PRAG1: variants seen among roughly 807,000 people sequenced by gnomAD.
PRAG1 encodes the protein PEAK1 related, kinase-activating pseudokinase 1.
Under a neutral mutation model 95.6 loss-of-function variants are expected in PRAG1, and 110 were observed. That is an observed-to-expected ratio of 1.15 (90% CI 0.99 to 1.35). The LOEUF (loss-of-function observed/expected upper bound fraction) is 1.35, where lower values mean the gene tolerates loss of function less well. Among genes scored for constraint, PRAG1 ranks in the 40% most tolerant of loss-of-function variants. The pLI, the probability that PRAG1 is intolerant of heterozygous loss-of-function variation, is 0.00. For missense variants in PRAG1, 2,554 were observed against 1,864.7 expected (o/e 1.37, Z -6.81); for synonymous variants, 1,052 against 819.4 (o/e 1.28, Z -4.85).
At chr8:8,355,194 A>G (rs937256752) in intron 3 of PRAG1, among the ~76,000 whole-genome samples, 6 of 152,190 alleles carry the variant, frequency 3.9e-5, no homozygotes, top group African/African-American at 1.4e-4. Context: ...AATTAGGAAT[A>G]AATTTAAACA....
At chr8:8,363,079 A>ATGTG (rs201002747) in intron 3 of PRAG1, among the ~76,000 whole-genome samples, 3 of 144,802 alleles carry the variant, frequency 2.1e-5, no homozygotes, top group African/African-American at 7.5e-5. Flanking sequence ...ATAGATATAT[A>ATGTG]TATGTGTGCG....
chr8:8,320,292 A>G (rs1798432560), intron 5 of PRAG1, among the ~76,000 whole-genome samples: 1 of 152,182 alleles, frequency 6.6e-6, no homozygotes. Flanking sequence ...CCTCAGAGGA[A>G]CCCCAGGGCA....
chr8:8,374,676 G>A (rs1042852901), intron 3 of PRAG1: 14 of 985,216 alleles, frequency 1.4e-5, no homozygotes, highest in South Asian at 4.7e-5. Context: ...TCATTCATTC[G>A]GGGACTACAC....
intron 3 of PRAG1, among the ~76,000 whole-genome samples, chr8:8,340,878 A>C (rs922529306): frequency 1.3e-5 from 2 of 152,340 alleles, no homozygotes; most frequent in African/African-American, 4.8e-5. Context: ...CATTATGACT[A>C]ATCTTCATCT....
In PRAG1 at chr8:8,376,576, C is replaced by T. The variant is rs1420084624; in HGVS notation, c.1833G>A (p.Arg611=). The T allele has an allele frequency of 1.9e-6, 3 of 1,607,252 alleles. No homozygotes were observed. The East Asian group carries it at 6.7e-5, about 36-fold the overall frequency. Reference sequence around the variant, plus strand: ...CTGACGAGGCGGCAGGCTGGGGACACCTGGATGGGTCACTGATAGCGACAC... The same window carrying T: ...CTGACGAGGCGGCAGGCTGGGGACATCTGGATGGGTCACTGATAGCGACAC... ...TNGVAISDPS[R]CPQPAASSAS... The change falls in exon 3 of 6, where the codon AGG becomes AGA. Residue 611 remains arginine, a synonymous_variant. Coordinates refer to ENST00000615670, the MANE Select transcript of PRAG1 (RefSeq NM_001080826.3).
intron 3 of PRAG1, among the ~76,000 whole-genome samples, chr8:8,340,629 C>T (rs753303540): frequency 2.0e-5 from 3 of 152,232 alleles, no homozygotes; most frequent in Non-Finnish European, 2.9e-5. Flanking sequence ...TTATTTAATG[C>T]GCATGACCTT....
At position 8,377,391 on chromosome 8, in the gene PRAG1, C is replaced by A. The variant is rs1266404441; in HGVS notation, c.1018G>T (p.Gly340Cys). 6.3e-6 allele frequency: 10 copies of A among 1,586,288 alleles called. No individual in the cohort carries two copies. Among genetic ancestry groups the A allele is most frequent in the Non-Finnish European group, 8.6e-6 (10 of 1,167,484 alleles). ...LTSEAAISSD[G>C]LSCGSGSGSG... ...CCGCTGCCGCTGCCACAAGAGAGGC[C>A]GTCGGAAGAAATGGCAGCCTCCGAG... Residue 340 changes from glycine to cysteine, a missense_variant, in exon 3 of 6, where the codon GGC (glycine) becomes TGC (cysteine). Physicochemically the swap from Gly to Cys is radical, Grantham distance 159 (BLOSUM62 -3). Transcript: ENST00000615670.
At chr8:8,344,347 G>A (rs1453022802) in intron 3 of PRAG1, among the ~76,000 whole-genome samples, 1 of 152,144 alleles carries the variant, frequency 6.6e-6, no homozygotes, top group African/African-American at 2.4e-5. Flanking sequence ...ATTTTAAAAT[G>A]CTGAGTATTA....
intron 3 of PRAG1, among the ~76,000 whole-genome samples, chr8:8,360,396 G>C (rs1286595265): frequency 2.6e-5 from 4 of 151,914 alleles, no homozygotes; most frequent in Admixed American, 1.3e-4. Flanking sequence ...CATTCTCTCT[G>C]CATTCCTGAA....
rs1266404441 is a variant in PRAG1 at position 8,377,391 on chromosome 8, C to T, written c.1018G>A (p.Gly340Ser). 5.7e-6 allele frequency: 9 copies of T among 1,586,170 alleles called. No homozygotes were observed. Among genetic ancestry groups the T allele is most frequent in the African/African-American group, 4.0e-5 (3 of 74,094 alleles). The change falls in exon 3 of 6, where the codon GGC (glycine) becomes AGC (serine). Residue 340 changes from glycine to serine, a missense_variant. Gly to Ser is a moderately conservative substitution (Grantham distance 56). Coordinates refer to ENST00000615670, the MANE Select transcript of PRAG1 (RefSeq NM_001080826.3). ...LTSEAAISSD[G>S]LSCGSGSGSG... is the part of the protein sequence containing the mutation. ...CCGCTGCCGCTGCCACAAGAGAGGC[C>T]GTCGGAAGAAATGGCAGCCTCCGAG...
At chr8:8,340,630 G>A (rs1223086473) in intron 3 of PRAG1, among the ~76,000 whole-genome samples, 2 of 152,230 alleles carry the variant, frequency 1.3e-5, no homozygotes, top group African/African-American at 2.4e-5. Flanking sequence ...TATTTAATGC[G>A]CATGACCTTA....
chr8:8,349,806 C>T (rs1473579181), intron 3 of PRAG1, among the ~76,000 whole-genome samples: 1 of 152,086 alleles, frequency 6.6e-6, no homozygotes, highest in Non-Finnish European at 1.5e-5. Flanking sequence ...TTTGCATTTT[C>T]AGTTAATGCA....
At chr8:8,334,350 C>G (rs1201810785) in intron 4 of PRAG1, among the ~76,000 whole-genome samples, 1 of 151,852 alleles carries the variant, frequency 6.6e-6, no homozygotes, top group African/African-American at 2.4e-5. Context: ...GGCACAATAA[C>G]CACTTGAGCC....
intron 5 of PRAG1, among the ~76,000 whole-genome samples, chr8:8,325,414 T>G (rs1798604247): frequency 6.6e-6 from 1 of 152,210 alleles, no homozygotes; most frequent in Non-Finnish European, 1.5e-5. Context: ...CCCCTGCGGC[T>G]CCTGTTTAGA....
intron 4 of PRAG1, among the ~76,000 whole-genome samples, chr8:8,335,754 C>A (rs1798965406): frequency 6.6e-6 from 1 of 152,126 alleles, no homozygotes; most frequent in Non-Finnish European, 1.5e-5. Context: ...CTGGCACTCG[C>A]TGCCTTCTGA....
intron 4 of PRAG1, among the ~76,000 whole-genome samples, chr8:8,332,614 G>T (rs1043953273): frequency 6.6e-6 from 1 of 151,822 alleles, no homozygotes; most frequent in African/African-American, 2.4e-5. Flanking sequence ...ATTCACTCTT[G>T]GAGCCCCCAC....
rs144072472 is a variant in PRAG1, at chr8:8,322,879, G to T, written c.3073-3577C>A. On this transcript the variant is annotated intron_variant, in intron 5 of 5. Transcript: ENST00000615670. ...ATCATACATGTATTGATTGATAACT[G>T]TGTCTCCCTAAAATGTACAAAACCA... Among the ~76,000 whole-genome samples the T allele has an allele frequency of 1.2e-4, 18 of 152,254 alleles. No homozygotes were observed. In the East Asian group the frequency reaches 3.3e-3, roughly 28 times the overall value.
intron 2 of PRAG1, 55 bp from the exon 3 acceptor site, chr8:8,378,133 G>A (rs1800498298): frequency 6.7e-7 from 1 of 1,495,776 alleles, no homozygotes; most frequent in Non-Finnish European, 8.9e-7. Flanking sequence ...ATAGAAAAAA[G>A]AGAGAGAGGA....
At chr8:8,345,046 G>GGTGGGT (rs1554505972) in intron 3 of PRAG1, among the ~76,000 whole-genome samples, 2 of 133,992 alleles carry the variant, frequency 1.5e-5, no homozygotes, top group Non-Finnish European at 3.2e-5. Flanking sequence ...TTATCCGCAG[G>GGTGGGT]GTGTGTGTGT....
Sources: allele counts gnomAD v4.1 joint callset (sites outside exome capture counted in the v4.1 genomes callset), GRCh38; gene constraint gnomAD v4.1.1; transcripts MANE v1.5; gene names NCBI Gene and HGNC (gene_info 2026-07-23, HGNC 2026-07-21).